Variants in CUL2 observed in about 807,000 individuals in gnomAD.
CUL2 encodes cullin 2.
A neutral mutation model predicts 110.2 loss-of-function variants in CUL2; 22 were observed. The observed-to-expected ratio is 0.20, with a 90% CI of 0.14 to 0.28. The LOEUF is 0.28. Among genes scored for constraint, CUL2 ranks in the 10% least tolerant of loss-of-function variants. CUL2 has a pLI of 1.00. For synonymous variants in CUL2, 279 were observed against 293.2 expected (o/e 0.95, Z 0.49); for missense variants, 631 against 905.5 (o/e 0.70, Z 3.89).
chr10:35,064,408 T>C (rs769194516), intron 2 of CUL2, among the ~76,000 whole-genome samples: 2 of 152,228 alleles, frequency 1.3e-5, no homozygotes, highest in Non-Finnish European at 2.9e-5. Flanking sequence ...ACACTTCATA[T>C]ACATTCTTCT....
intron 4 of CUL2, among the ~76,000 whole-genome samples, chr10:35,060,313 G>C (rs1004092541): frequency 6.6e-6 from 1 of 152,016 alleles, no homozygotes; most frequent in Non-Finnish European, 1.5e-5. Context: ...AATAGAAAAA[G>C]AAAGAGAAGC....
intron 16 of CUL2, among the ~76,000 whole-genome samples, chr10:35,027,274 A>G (rs2085360124): frequency 6.6e-6 from 1 of 151,528 alleles, no homozygotes; most frequent in Non-Finnish European, 1.5e-5. Context: ...CCTCCAGAGT[A>G]GCTGGGACTA....
intron 1 of CUL2, among the ~76,000 whole-genome samples, chr10:35,078,015 G>A (rs2086863561): frequency 6.6e-6 from 1 of 151,764 alleles, no homozygotes; most frequent in Non-Finnish European, 1.5e-5. Context: ...CATAATAAAG[G>A]AATTTAAAAA....
intron 2 of CUL2, among the ~76,000 whole-genome samples, chr10:35,067,976 G>C (rs576457605): frequency 1.3e-5 from 2 of 151,934 alleles, no homozygotes; most frequent in Non-Finnish European, 2.9e-5. Flanking sequence ...CGGGCATTGT[G>C]GTGGGCGCCT....
chr10:35,101,204 C>G (rs2087372491), intron 1 of CUL2: 1 of 152,152 alleles, frequency 6.6e-6, no homozygotes, highest in South Asian at 2.1e-4. Context: ...TAATTTAGCT[C>G]AACTAAAAAT....
intron 9 of CUL2, 151 bp downstream of exon 9, chr10:35,038,769 C>G: frequency 2.1e-6 from 1 of 475,530 alleles, no homozygotes; most frequent in South Asian, 5.6e-5. Context: ...CTAAAATAGT[C>G]TTTCAAAATA....
intron 17 of CUL2, among the ~76,000 whole-genome samples, chr10:35,024,244 C>T (rs917930287): frequency 1.3e-5 from 2 of 152,050 alleles, no homozygotes; most frequent in Non-Finnish European, 2.9e-5. Flanking sequence ...CAGTAAAGAT[C>T]GACTTATATA....
At chr10:35,035,351 TAA>T in intron 9 of CUL2, 55 bp from the exon 10 acceptor site, 1 of 1,588,514 alleles carries the variant, frequency 6.3e-7, no homozygotes, top group Non-Finnish European at 8.6e-7. Context: ...ATTTATTAGG[TAA>T]TATATGGATC....
chr10:35,103,429 A>G (rs1390799680), intron 1 of CUL2, among the ~76,000 whole-genome samples: 1 of 143,654 alleles, frequency 7.0e-6, no homozygotes, highest in African/African-American at 2.6e-5. Flanking sequence ...GGTTCACGCC[A>G]TTCTCCTGCC....
At chr10:35,017,224 A>C (rs1372397967) in intron 17 of CUL2, among the ~76,000 whole-genome samples, 1 of 152,036 alleles carries the variant, frequency 6.6e-6, no homozygotes, top group Admixed American at 6.6e-5. Context: ...CATAAACAAC[A>C]TTTTTCTTTC....
At position 35,044,837 on chromosome 10, in the gene CUL2, C is replaced by CT; in HGVS notation, c.537dup (p.Val180SerfsTer7). On this transcript the variant is annotated frameshift_variant, in exon 7 of 21. Transcript: ENST00000374749. LOFTEE classifies it high-confidence loss of function. ...AAGGAGTTAATAACCCCATGGATTA[C>CT]TTTCTGGTTTGGGTCTTCTCCACCA... The CT allele has an allele frequency of 6.2e-7, 1 of 1,613,342 alleles. No individual in the cohort carries two copies. The highest frequency in any genetic ancestry group is 8.5e-7 in the Non-Finnish European group (1 of 1,179,640).
chr10:35,047,577 T>C (rs1483086653), intron 6 of CUL2, among the ~76,000 whole-genome samples: 3 of 138,030 alleles, frequency 2.2e-5, no homozygotes, highest in African/African-American at 8.3e-5. Context: ...GCAATTGCAC[T>C]CCAACCTGGG....
Position 35,058,469 on chromosome 10 carries a change from C to A in CUL2, c.317+2405G>T, listed in dbSNP as rs564395262. On this transcript the variant is annotated intron_variant, in intron 4 of 20. Coordinates refer to ENST00000374749, the MANE Select transcript of CUL2 (RefSeq NM_003591.4). The stretch of plus-strand genomic sequence containing the variant: ...TGTAAATCCTCCCATAACACAAGGA[C>A]AGGTCCATTGTAACTCCAGATCTGT... Among the ~76,000 whole-genome samples the A allele has an allele frequency of 4.6e-5, 7 of 152,316 alleles. No homozygotes were observed. The South Asian group carries it at 1.2e-3, about 27-fold the overall frequency.
At chr10:35,019,360 T>C (rs1000720319) in intron 17 of CUL2, among the ~76,000 whole-genome samples, 6 of 152,186 alleles carry the variant, frequency 3.9e-5, no homozygotes, top group African/African-American at 1.4e-4. Context: ...CATTCTTTCA[T>C]TGTGCCCTTT....
intron 17 of CUL2, among the ~76,000 whole-genome samples, chr10:35,021,791 T>TGAGGTGGGGTGAGGAGAGGC (rs1564699120): frequency 1.5e-5 from 2 of 134,850 alleles, no homozygotes; most frequent in African/African-American, 2.8e-5. Context: ...CCAGCTTACG[T>TGAGGTGGGGTGAGGAGAGGC]GAGGTGGGGT....
At chr10:35,107,164 C>T (rs761040013) in intron 1 of CUL2, among the ~76,000 whole-genome samples, 5 of 150,774 alleles carry the variant, frequency 3.3e-5, no homozygotes, top group East Asian at 2.0e-4. Context: ...TCAGTAGAGA[C>T]GGGGTTTCAC....
Position 35,044,778 on chromosome 10 carries a change from G to A in CUL2, c.597C>T (p.Pro199=). ...VHVEQYKKKF[P]LKFYQEIFES... is the part of the protein sequence containing the mutation. ...TTTAAAGGAGGCTGTTTACCTTTAA[G>A]GGGAATTTTTTCTTATACTGTTCAA... Residue 199 remains proline (P), a synonymous_variant, in exon 7 of 21, where the codon CCC becomes CCT. Coordinates refer to ENST00000374749, the MANE Select transcript of CUL2 (RefSeq NM_003591.4). 1 of 1,609,564 alleles carries A rather than the reference G, an allele frequency of 6.2e-7. No individual in the cohort carries two copies. The highest frequency in any genetic ancestry group is 8.5e-7 in the Non-Finnish European group (1 of 1,177,732).
chr10:35,089,302 T>A (rs2087140972), intron 1 of CUL2, among the ~76,000 whole-genome samples: 1 of 152,200 alleles, frequency 6.6e-6, no homozygotes, highest in Admixed American at 6.5e-5. Context: ...TGAAAAGGAA[T>A]GTAAGATTCT....
intron 17 of CUL2, among the ~76,000 whole-genome samples, chr10:35,023,179 C>T (rs2085245706): frequency 6.6e-6 from 1 of 152,088 alleles, no homozygotes; most frequent in Non-Finnish European, 1.5e-5. Flanking sequence ...ACAATATAAA[C>T]ATAACAAAGC....
Sources: allele counts gnomAD v4.1 joint callset (sites outside exome capture counted in the v4.1 genomes callset), GRCh38; gene constraint gnomAD v4.1.1; transcripts MANE v1.5; gene names NCBI Gene and HGNC (gene_info 2026-07-23, HGNC 2026-07-21).